The following ITSN2 variants were observed in gnomAD, a reference collection of about 807,000 sequenced individuals.
The protein encoded by ITSN2 is intersectin 2.
In ITSN2, 156 loss-of-function variants were observed where a neutral mutation model predicts 243.7. The observed-to-expected ratio is 0.64, with a 90% CI of 0.56 to 0.73. ITSN2 has a LOEUF of 0.73. Among genes scored for constraint, ITSN2 ranks in the 30% least tolerant of loss-of-function variants. ITSN2 has a pLI of 0.00. For synonymous variants in ITSN2, 703 were observed against 699.9 expected (o/e 1.00, Z -0.07); for missense variants, 1,801 against 1,996.1 (o/e 0.90, Z 1.86).
chr2:24,261,680 G>A lies in ITSN2; in HGVS notation c.2418C>T (p.Gly806=), dbSNP rs779307291. The change falls in exon 21 of 40, where the codon GGC becomes GGT. Residue 806 remains glycine (G), a synonymous_variant. Coordinates refer to ENST00000355123, the MANE Select transcript of ITSN2 (RefSeq NM_006277.3). ...WLYGSFQGNF[G]WFPCNYVEKM... ...TTTCTACATAATTGCATGGAAACCA[G>A]CCAAAATTTCCTTGAAAACTACCAT... is the stretch of plus-strand genomic sequence containing the variant. 15 of 1,613,310 alleles carry A rather than the reference G, an allele frequency of 9.3e-6. No homozygotes were observed. Among genetic ancestry groups the A allele is most frequent in the African/African-American group, 2.7e-5 (2 of 74,874 alleles).
chr2:24,307,477 T>C (rs1280298602), intron 8 of ITSN2, among the ~76,000 whole-genome samples: 1 of 152,136 alleles, frequency 6.6e-6, no homozygotes, highest in Admixed American at 6.5e-5. Context: ...AGCTAAGAAG[T>C]ATAATAGGTC....
chr2:24,208,334 G>A lies in ITSN2; in HGVS notation c.4596-15C>T. On this transcript the variant is annotated splice_polypyrimidine_tract_variant and intron_variant, in intron 36 of 39. Transcript: ENST00000355123. Reference sequence around the variant, plus strand: ...CCCAGGCGGTCCTACGGGAGAAGCAGGGGCAGCCGTTGGCCGCATCCCACC... The same window carrying A: ...CCCAGGCGGTCCTACGGGAGAAGCAAGGGCAGCCGTTGGCCGCATCCCACC... 2 of 1,608,682 alleles carry A rather than the reference G, an allele frequency of 1.2e-6. No homozygotes were observed. The highest frequency in any genetic ancestry group is 3.3e-5 in the Admixed American group (2 of 59,972).
At chr2:24,247,614 A>G (rs1271948453) in intron 27 of ITSN2, among the ~76,000 whole-genome samples, 1 of 152,212 alleles carries the variant, frequency 6.6e-6, no homozygotes, top group Non-Finnish European at 1.5e-5. Context: ...TGGAAGACAC[A>G]CTAAAACATG....
intron 17 of ITSN2, among the ~76,000 whole-genome samples, chr2:24,277,141 A>C (rs1455388945): frequency 6.6e-6 from 1 of 152,148 alleles, no homozygotes; most frequent in Non-Finnish European, 1.5e-5. Context: ...TTTCATTTGG[A>C]ATCTACAGAA....
intron 20 of ITSN2, among the ~76,000 whole-genome samples, chr2:24,267,555 G>T (rs1676823543): frequency 1.3e-5 from 2 of 151,722 alleles, no homozygotes; most frequent in South Asian, 4.2e-4. Context: ...GGACTTGGCT[G>T]GCTGGCTGAC....
At chr2:24,281,461 CT>C (rs1678766892) in intron 17 of ITSN2, among the ~76,000 whole-genome samples, 1 of 152,186 alleles carries the variant, frequency 6.6e-6, no homozygotes, top group Non-Finnish European at 1.5e-5. Flanking sequence ...GATCATAGTG[CT>C]TTTGTCAAGA....
At chr2:24,294,052 CT>C (rs1037222323) in intron 14 of ITSN2, among the ~76,000 whole-genome samples, 1 of 152,160 alleles carries the variant, frequency 6.6e-6, no homozygotes, top group African/African-American at 2.4e-5. Context: ...TTTCAGCTTA[CT>C]GATGAATGAC....
At chr2:24,217,338 T>C (rs1338194152) in intron 31 of ITSN2, among the ~76,000 whole-genome samples, 1 of 152,110 alleles carries the variant, frequency 6.6e-6, no homozygotes, top group African/African-American at 2.4e-5. Flanking sequence ...TTTTGAAAGA[T>C]TCTAACTTGT....
At chr2:24,301,717 G>C (rs1032022335) in intron 10 of ITSN2, among the ~76,000 whole-genome samples, 1 of 151,634 alleles carries the variant, frequency 6.6e-6, no homozygotes, top group African/African-American at 2.4e-5. Flanking sequence ...GTAGATACGG[G>C]GTCTCACTAT....
chr2:24,219,226 T>C (rs1670231101), intron 30 of ITSN2, among the ~76,000 whole-genome samples: 1 of 152,248 alleles, frequency 6.6e-6, no homozygotes, highest in Admixed American at 6.5e-5. Flanking sequence ...AACAGGACTC[T>C]GAATTCCTGG....
chr2:24,216,484 G>A (rs1218195788), intron 31 of ITSN2, among the ~76,000 whole-genome samples: 3 of 152,236 alleles, frequency 2.0e-5, no homozygotes, highest in Non-Finnish European at 4.4e-5. Context: ...GGCTGGGCAC[G>A]GTGGCTCATG....
At chr2:24,207,148 TAA>T (rs2151082561) in intron 37 of ITSN2, among the ~76,000 whole-genome samples, 1 of 151,906 alleles carries the variant, frequency 6.6e-6, no homozygotes, top group African/African-American at 2.4e-5. Context: ...GGAAGAGGTA[TAA>T]GAGCAGCTCT....
At chr2:24,303,243 T>C (rs1387767408) in intron 9 of ITSN2, among the ~76,000 whole-genome samples, 1 of 152,200 alleles carries the variant, frequency 6.6e-6, no homozygotes. Context: ...ATTGTTATCA[T>C]AGGAGACAAT....
intron 1 of ITSN2, among the ~76,000 whole-genome samples, chr2:24,359,188 T>C (rs1258352859): frequency 6.6e-6 from 1 of 152,218 alleles, no homozygotes; most frequent in African/African-American, 2.4e-5. Flanking sequence ...TGTTTCTAGG[T>C]AGCTTTTAGG....
chr2:24,210,971 C>A, intron 33 of ITSN2, 24 bp from the exon 34 acceptor site: 1 of 1,611,818 alleles, frequency 6.2e-7, no homozygotes, highest in South Asian at 1.1e-5. Context: ...GGCAGTGTCA[C>A]ATGGGGGAGC....
At chr2:24,314,850 A>G (rs1683712815) in intron 3 of ITSN2, among the ~76,000 whole-genome samples, 1 of 152,182 alleles carries the variant, frequency 6.6e-6, no homozygotes, top group Non-Finnish European at 1.5e-5. Flanking sequence ...TAAACTGAAA[A>G]CTTTCTAGAT....
chr2:24,228,053 A>T (rs970128784), intron 29 of ITSN2, among the ~76,000 whole-genome samples: 1 of 152,224 alleles, frequency 6.6e-6, no homozygotes, highest in African/African-American at 2.4e-5. Flanking sequence ...CTAGAATTGA[A>T]GAATGATACA....
Position 24,204,447 on chromosome 2 carries a change from T to A in ITSN2, c.4763-29A>T. 1 of 1,611,064 alleles carries A rather than the reference T, an allele frequency of 6.2e-7. No homozygotes were observed. The highest frequency in any genetic ancestry group is 8.5e-7 in the Non-Finnish European group (1 of 1,177,328). On this transcript the variant is annotated intron_variant, in intron 38 of 39. Transcript: ENST00000355123. The surrounding 1 kb of genome is among the most constrained non-coding windows in gnomAD (Gnocchi z 5.1). Reference sequence around the variant, plus strand: ...AACAAAAACAAACCACAGACACATGTGGTGCATGCAGGTAAAACGAAGCGA... The same window carrying A: ...AACAAAAACAAACCACAGACACATGAGGTGCATGCAGGTAAAACGAAGCGA...
chr2:24,288,516 C>T (rs1400391834), intron 15 of ITSN2, among the ~76,000 whole-genome samples: 3 of 151,926 alleles, frequency 2.0e-5, no homozygotes, highest in Admixed American at 1.3e-4. Context: ...ATTAGCTAGG[C>T]TCTCTATTCT....
Sources: gnomAD v4.1 joint callset for allele counts (sites outside exome capture counted in the v4.1 genomes callset) on GRCh38, gnomAD v4.1.1 for gene constraint, Gnocchi (gnomAD v3.1) non-coding constraint, MANE v1.5 for transcripts, NCBI Gene and HGNC (gene_info 2026-07-23, HGNC 2026-07-21) for gene names.